Variants in SLC2A5 observed in about 807,000 individuals in gnomAD.
The protein encoded by SLC2A5 is solute carrier family 2, facilitated glucose transporter member 5.
In SLC2A5, 56 loss-of-function variants were observed where a neutral mutation model predicts 50.3. The observed-to-expected ratio is 1.11, with a 90% confidence interval of 0.90 to 1.39. The LOEUF (loss-of-function observed/expected upper bound fraction) is 1.39, where lower values mean the gene tolerates loss of function less well. Among genes scored for constraint, SLC2A5 ranks in the 40% most tolerant of loss-of-function variants. The pLI, the probability that SLC2A5 is intolerant of heterozygous loss-of-function variation, is 0.00. For synonymous variants in SLC2A5, 269 were observed against 281.9 expected (o/e 0.95, Z 0.46); for missense variants, 566 against 650.1 (o/e 0.87, Z 1.41).
rs773759710 is a variant in SLC2A5, at chr1:9,038,412, G to A, written c.1174+19C>T. On this transcript the variant is annotated intron_variant, in intron 10 of 11. Coordinates refer to ENST00000377424, the MANE Select transcript of SLC2A5 (RefSeq NM_003039.3). Reference sequence around the variant, plus strand: ...CCAGGGGGGGTTGTGACACCCTGAGGCCAGCTTTGGGTACGTACTGGGCCC... The same window carrying A: ...CCAGGGGGGGTTGTGACACCCTGAGACCAGCTTTGGGTACGTACTGGGCCC... 3 of 1,597,424 alleles carry A rather than the reference G, an allele frequency of 1.9e-6. No individual in the cohort carries two copies. The highest frequency in any genetic ancestry group is 2.2e-5 in the East Asian group (1 of 44,780).
At chr1:9,046,050 C>A (rs188455752) in intron 4 of SLC2A5, among the ~76,000 whole-genome samples, 1 of 152,184 alleles carries the variant, frequency 6.6e-6, no homozygotes, top group African/African-American at 2.4e-5. Context: ...TTAATCCTAG[C>A]TGAGGGGTTT....
chr1:9,047,800 T>C, intron 3 of SLC2A5, 66 bp from the exon 4 acceptor site: 1 of 1,554,238 alleles, frequency 6.4e-7, no homozygotes, highest in South Asian at 1.2e-5. Flanking sequence ...GAAATGTTTC[T>C]GGAGTGTCTC....
At chr1:9,058,032 G>A in intron 2 of SLC2A5, 120 bp downstream of exon 2, 1 of 715,128 alleles carries the variant, frequency 1.4e-6, no homozygotes, top group Non-Finnish European at 2.5e-6. Context: ...TCCGGAGGGT[G>A]TTTCCCTCTC....
chr1:9,055,441 C>T (rs984243334), intron 3 of SLC2A5, among the ~76,000 whole-genome samples: 4 of 151,922 alleles, frequency 2.6e-5, no homozygotes, highest in Admixed American at 6.6e-5. Context: ...CGTTTGAACC[C>T]GGGAGGCAGA....
At position 9,058,188 on chromosome 1, in the gene SLC2A5, A is replaced by T. The variant is rs77511432; in HGVS notation, c.96T>A (p.Tyr32Ter). 1 of 1,614,018 alleles carries T rather than the reference A, an allele frequency of 6.2e-7. No homozygotes were observed. Among genetic ancestry groups the T allele is most frequent in the Non-Finnish European group, 8.5e-7 (1 of 1,179,884 alleles). Residue 32 changes from tyrosine (Y) to a stop codon, truncating the protein, a stop_gained, in exon 2 of 12, where the codon TAT becomes TAA. Coordinates refer to ENST00000377424, the MANE Select transcript of SLC2A5 (RefSeq NM_003039.3). LOFTEE classifies it high-confidence loss of function. ...AGTTGACAGCAGCCACGTTGTACCC[A>T]TACTGGAAGGATGACCCAAAGGCAG... ...LIAAFGSSFQYGYNVAAVNSP... is the reference protein window; with the variant it reads ...LIAAFGSSFQ
chr1:9,045,490 G>T (rs1313201367), intron 4 of SLC2A5, among the ~76,000 whole-genome samples: 1 of 152,136 alleles, frequency 6.6e-6, no homozygotes, highest in African/African-American at 2.4e-5. Flanking sequence ...ATTGTTAATG[G>T]TCAATAGAAA....
rs143104543 is a variant in SLC2A5, at chr1:9,038,091, C to T, written c.1175-67G>A. 393 of 1,566,756 alleles carry T rather than the reference C, an allele frequency of 2.5e-4. 2 individuals are homozygous for T. In the African/African-American group the frequency reaches 4.8e-3, roughly 19 times the overall value. ...CCCGAGCATCCCAGGCCTGGCCATG[C>T]AGACCCACCAGGTAGCTGGCCCCAG... is the stretch of plus-strand genomic sequence containing the variant. On this transcript the variant is annotated intron_variant, in intron 10 of 11. Transcript: ENST00000377424.
At chr1:9,049,119 G>A in intron 3 of SLC2A5, 1 of 456,190 alleles carries the variant, frequency 2.2e-6, no homozygotes, top group Non-Finnish European at 4.4e-6. Flanking sequence ...CCTGACAGAA[G>A]CAAAGCAAAC....
Position 9,069,524 on chromosome 1 carries a change from C to T in SLC2A5, c.13G>A (p.Asp5Asn). 1 of 1,614,132 alleles carries T rather than the reference C, an allele frequency of 6.2e-7. No homozygotes were observed. The highest frequency in any genetic ancestry group is 1.1e-5 in the South Asian group (1 of 91,066). Residue 5 changes from aspartate (D) to asparagine (N), a missense_variant, in exon 1 of 12, where the codon GAT (aspartate) becomes AAT (asparagine). Transcript: ENST00000377424. MEQQ[D>N]QSMKEGRLTL... ...CTCACCCCTTCCTTCATGCTCTGAT[C>T]CTGTTGCTCCATGCTTGCTCTGGAA... is the stretch of plus-strand genomic sequence containing the variant.
chr1:9,062,881 AT>A, intron 1 of SLC2A5, among the ~76,000 whole-genome samples: 1 of 149,828 alleles, frequency 6.7e-6, no homozygotes, highest in Non-Finnish European at 1.5e-5. Flanking sequence ...CAAAAAATAA[AT>A]AAATAAATAA....
chr1:9,067,252 C>T (rs1642106610), intron 1 of SLC2A5, among the ~76,000 whole-genome samples: 1 of 152,246 alleles, frequency 6.6e-6, no homozygotes, highest in Non-Finnish European at 1.5e-5. Flanking sequence ...CACGCCCCAG[C>T]TTTCTCCCCA....
chr1:9,048,841 G>C (rs2124358390), intron 3 of SLC2A5, among the ~76,000 whole-genome samples: 1 of 152,154 alleles, frequency 6.6e-6, no homozygotes, highest in Admixed American at 6.5e-5. Context: ...ATTTGTAATA[G>C]AGATGGAGTT....
At chr1:9,057,680 G>T in intron 2 of SLC2A5, 72 bp from the exon 3 acceptor site, 2 of 1,351,298 alleles carry the variant, frequency 1.5e-6, no homozygotes, top group Non-Finnish European at 2.1e-6. Context: ...TAGCTGTTAG[G>T]ACACCCAATG....
upstream of SLC2A5, among the ~76,000 whole-genome samples, chr1:9,088,727 G>T (rs561073654): frequency 8.5e-5 from 13 of 152,304 alleles, no homozygotes; most frequent in East Asian, 1.7e-3. Flanking sequence ...AGGTTGCAGT[G>T]AGCCGAGATC....
In SLC2A5 at chr1:9,057,320, G is replaced by GA. The variant is rs973337554; in HGVS notation, c.293+127dup. On this transcript the variant is annotated intron_variant, in intron 3 of 11. Coordinates refer to ENST00000377424, the MANE Select transcript of SLC2A5 (RefSeq NM_003039.3). ...AAAAAAAAAAAAAAAAAAAAAGAAA[G>GA]AAAAAAGAAAAATGACCACAGTGGT... The GA allele has an allele frequency of 1.4e-5, 5 of 346,354 alleles. No homozygotes were observed. In the Admixed American group the frequency reaches 2.5e-4, roughly 17 times the overall value. The allele number at this position is 346,354 out of a possible 1,614,324, so 21.5% of individuals were successfully genotyped here.
rs534626551 is a variant in SLC2A5, at chr1:9,048,104, A to G, written c.294-370T>C. 3.3e-5 allele frequency among the ~76,000 whole-genome samples: 5 copies of G among 152,338 alleles called. No homozygotes were observed. The East Asian group carries it at 9.6e-4, about 29-fold the overall frequency. On this transcript the variant is annotated intron_variant, in intron 3 of 11. Coordinates refer to ENST00000377424, the MANE Select transcript of SLC2A5 (RefSeq NM_003039.3). ...AAGGACATTAGAGGAAAAGAAAAGT[A>G]TAGGTCCATCTCACTTATGTCAACG...
intron 3 of SLC2A5, chr1:9,049,106 G>A (rs1641506636): frequency 2.2e-6 from 1 of 456,206 alleles, no homozygotes; most frequent in Non-Finnish European, 4.4e-6. Flanking sequence ...CTACCCTGGA[G>A]ATCCTGACAG....
chr1:9,037,843 G>C (rs190749033), intron 11 of SLC2A5, 54 bp from the exon 12 acceptor site: 6 of 1,613,618 alleles, frequency 3.7e-6, no homozygotes, highest in Non-Finnish European at 5.1e-6. Flanking sequence ...CCAGGGGCTC[G>C]CACTGTACTG....
In SLC2A5 at chr1:9,060,797, C is replaced by T. The variant is rs548200233; in HGVS notation, c.34-2547G>A. Among the ~76,000 whole-genome samples, 210 of 152,016 alleles carry T rather than the reference C, an allele frequency of 1.4e-3. 1 individual carries two copies. Among genetic ancestry groups the T allele is most frequent in the Admixed American group, 1.6e-3 (24 of 15,258 alleles). ...CGCTCTGTGTATTCATTCATTCACT[C>T]GTCTATTCAGCCATTCAATCATTCA... On this transcript the variant is annotated intron_variant, in intron 1 of 11. Transcript: ENST00000377424.
Sources: gnomAD v4.1 joint callset for allele counts (sites outside exome capture counted in the v4.1 genomes callset) on GRCh38, gnomAD v4.1.1 for gene constraint, MANE v1.5 for transcripts, NCBI Gene and HGNC (gene_info 2026-07-23, HGNC 2026-07-21) for gene names.